DLGAP1: variants seen among roughly 807,000 people sequenced by gnomAD.
The protein encoded by DLGAP1 is disks large-associated protein 1.
In DLGAP1, 11 loss-of-function variants were observed where a neutral mutation model predicts 90.8. That is an observed-to-expected ratio of 0.12 (90% CI 0.08 to 0.20). The LOEUF is 0.20. DLGAP1 is among the 10% of genes least tolerant of loss of function. DLGAP1 has a pLI of 1.00. For synonymous variants in DLGAP1, 558 were observed against 540.7 expected, an observed-to-expected ratio of 1.03 and a Z score of -0.44; for missense variants, 1,050 against 1,333.8, an observed-to-expected ratio of 0.79 and a Z score of 3.31.
chr18:4,088,092 TTC>T (rs147199529), intron 2 of DLGAP1, among the ~76,000 whole-genome samples: 50,030 of 150,830 alleles, frequency 0.33, 8,346 homozygotes, highest in African/African-American at 0.35. Context: ...ATTTATTTTT[TTC>T]CTATAGAAAA....
At chr18:4,362,091 G>C (rs1005484480) in intron 1 of DLGAP1, among the ~76,000 whole-genome samples, 3 of 152,138 alleles carry the variant, frequency 2.0e-5, no homozygotes, top group South Asian at 2.1e-4. Context: ...AACAAGTGTT[G>C]GTGAGGATGT....
chr18:3,988,848 C>T (rs185592241), intron 3 of DLGAP1, among the ~76,000 whole-genome samples: 11 of 152,332 alleles, frequency 7.2e-5, no homozygotes, highest in African/African-American at 2.6e-4. Flanking sequence ...TTTCTAATGC[C>T]AGTCCGCGGC....
intron 1 of DLGAP1, among the ~76,000 whole-genome samples, chr18:4,427,998 A>C (rs2083194718): frequency 6.6e-6 from 1 of 152,192 alleles, no homozygotes; most frequent in Admixed American, 6.5e-5. Flanking sequence ...GTATGTATTA[A>C]ATTTCACTTA....
At chr18:3,622,784 C>T (rs2058142165) in intron 7 of DLGAP1, among the ~76,000 whole-genome samples, 1 of 152,158 alleles carries the variant, frequency 6.6e-6, no homozygotes, top group African/African-American at 2.4e-5. Context: ...TGAAATTACA[C>T]ATTCATTGAT....
Position 3,565,852 on chromosome 18 carries a change from AAAAC to A in DLGAP1, c.2057+1634_2057+1637del, listed in dbSNP as rs1176328379. ...TCTGTCTCAAAAAAACCACACACAA[AAAAC>A]AAACAAACAAAAAAAAATGATTACT... On this transcript the variant is annotated intron_variant, in intron 9 of 12. Transcript: ENST00000315677. This position sits in a 1 kb window ranked among gnomAD's most constrained non-coding sequence, Gnocchi z 4.0. 8.3e-5 allele frequency among the ~76,000 whole-genome samples: 12 copies of A among 144,126 alleles called. No individual in the cohort carries two copies. The highest frequency in any genetic ancestry group is 2.7e-4 in the African/African-American group (10 of 37,220). 94.6% of individuals were successfully genotyped at this position (144,126 alleles called of 152,430 possible).
At chr18:4,155,218 T>C (rs903036763) in intron 1 of DLGAP1, among the ~76,000 whole-genome samples, 1 of 152,120 alleles carries the variant, frequency 6.6e-6, no homozygotes, top group Non-Finnish European at 1.5e-5. Flanking sequence ...TGCAATAAAG[T>C]CATGGGATGG....
At chr18:3,690,099 T>TG (rs2060841069) in intron 7 of DLGAP1, among the ~76,000 whole-genome samples, 2 of 104,100 alleles carry the variant, frequency 1.9e-5, no homozygotes, top group South Asian at 8.0e-4. Context: ...GTGAGGTTTT[T>TG]TTTTTTTTTT....
intron 6 of DLGAP1, among the ~76,000 whole-genome samples, chr18:3,740,999 TCACCACCACCAC>T (rs1292391199): frequency 4.6e-5 from 1 of 21,598 alleles, no homozygotes; most frequent in Non-Finnish European, 8.6e-5. Context: ...CACCATCACC[TCACCACCACCAC>T]CACCATCACC....
intron 1 of DLGAP1, among the ~76,000 whole-genome samples, chr18:4,351,515 T>G (rs986495781): frequency 6.6e-6 from 1 of 152,234 alleles, no homozygotes; most frequent in Non-Finnish European, 1.5e-5. Context: ...CTTAGGTGAC[T>G]TAATTTCTGT....
chr18:3,698,835 C>T (rs1448898078), intron 7 of DLGAP1, among the ~76,000 whole-genome samples: 1 of 152,018 alleles, frequency 6.6e-6, no homozygotes, highest in Non-Finnish European at 1.5e-5. Flanking sequence ...AGGCTTTGTT[C>T]ATTCCTTTTC....
At chr18:4,390,321 T>A (rs1016471916) in intron 1 of DLGAP1, among the ~76,000 whole-genome samples, 13 of 152,140 alleles carry the variant, frequency 8.5e-5, no homozygotes, top group Non-Finnish European at 7.4e-5. Flanking sequence ...ACATCCCATA[T>A]CACAGTGGTA....
At chr18:3,694,042 C>T (rs201982240) in intron 7 of DLGAP1, among the ~76,000 whole-genome samples, 19,083 of 148,766 alleles carry the variant, frequency 0.13, 1,333 homozygotes, top group Non-Finnish European at 0.15. Flanking sequence ...CCACCCCCCC[C>T]TCAGCCCCCA....
intron 1 of DLGAP1, among the ~76,000 whole-genome samples, chr18:4,413,643 A>C (rs142364525): frequency 6.8e-4 from 104 of 152,352 alleles, no homozygotes; most frequent in Admixed American, 1.1e-3. Flanking sequence ...CACACACAGT[A>C]TAATCATTAT....
intron 10 of DLGAP1, among the ~76,000 whole-genome samples, chr18:3,528,918 A>G (rs192505530): frequency 6.6e-6 from 1 of 152,364 alleles, no homozygotes; most frequent in East Asian, 1.9e-4. Context: ...CTTAAGAATG[A>G]GACAGGACAC....
At chr18:4,203,198 C>A (rs775150980) in intron 1 of DLGAP1, among the ~76,000 whole-genome samples, 8 of 151,598 alleles carry the variant, frequency 5.3e-5, no homozygotes, top group Non-Finnish European at 1.2e-4. Context: ...TTGCTTGAAC[C>A]CGGGAGGCGG....
At position 3,660,642 on chromosome 18, in the gene DLGAP1, T is replaced by A. The variant is rs138938808; in HGVS notation, c.1591+68493A>T. On this transcript the variant is annotated intron_variant, in intron 7 of 12. Coordinates refer to ENST00000315677, the MANE Select transcript of DLGAP1 (RefSeq NM_004746.4). This position sits in a 1 kb window ranked among gnomAD's most constrained non-coding sequence, Gnocchi z 4.2. Reference sequence around the variant, plus strand: ...TGAGATTTCATTATATTGACCACTGTCTATTTCTACTCAGAGGCTGTTCTT... The same window carrying A: ...TGAGATTTCATTATATTGACCACTGACTATTTCTACTCAGAGGCTGTTCTT... 3.3e-5 allele frequency among the ~76,000 whole-genome samples: 5 copies of A among 152,374 alleles called. 1 individual carries two copies. The highest frequency in any genetic ancestry group is 9.6e-5 in the African/African-American group (4 of 41,594).
chr18:3,743,099 A>G (rs2063127392), intron 5 of DLGAP1, among the ~76,000 whole-genome samples: 2 of 152,114 alleles, frequency 1.3e-5, no homozygotes, highest in African/African-American at 4.8e-5. Flanking sequence ...AAGACAAGTC[A>G]CTACACACTT....
At chr18:3,813,165 C>T (rs769752776) in intron 5 of DLGAP1, among the ~76,000 whole-genome samples, 37 of 152,096 alleles carry the variant, frequency 2.4e-4, no homozygotes, top group Non-Finnish European at 1.8e-4. Context: ...TGCTGCACAA[C>T]GACATTTCAG....
chr18:3,855,883 T>C (rs1599015678), intron 4 of DLGAP1, among the ~76,000 whole-genome samples: 2 of 152,208 alleles, frequency 1.3e-5, no homozygotes, highest in East Asian at 3.8e-4. Flanking sequence ...AGTGCTGGGA[T>C]TACAGGCGTG....
Sources: gnomAD v4.1 joint callset for allele counts (sites outside exome capture counted in the v4.1 genomes callset) on GRCh38, gnomAD v4.1.1 for gene constraint, Gnocchi (gnomAD v3.1) non-coding constraint, MANE v1.5 for transcripts, NCBI Gene and HGNC (gene_info 2026-07-23, HGNC 2026-07-21) for gene names.